Variants in MIER3 observed in about 807,000 individuals in gnomAD.
MIER3 encodes the protein MIER family member 3.
A neutral mutation model predicts 63.2 loss-of-function variants in MIER3; 9 were observed. That is an observed-to-expected ratio of 0.14 (90% confidence interval 0.09 to 0.25). The LOEUF is 0.25. MIER3 is among the 10% of genes least tolerant of loss of function. The pLI is 1.00. For missense variants in MIER3, 512 were observed against 666.2 expected (o/e 0.77, Z 2.55); for synonymous variants, 205 against 224.9 (o/e 0.91, Z 0.79).
intron 4 of MIER3, chr5:56,938,341 G>C: frequency 2.1e-6 from 1 of 471,146 alleles, no homozygotes; most frequent in Non-Finnish European, 4.4e-6. Flanking sequence ...CCTGAGATCT[G>C]AAAGGCAAGG....
chr5:56,950,708 G>C, intron 1 of MIER3, 56 bp from the exon 2 acceptor site: 2 of 1,603,032 alleles, frequency 1.2e-6, no homozygotes, highest in Non-Finnish European at 1.7e-6. Flanking sequence ...GAAAGAGGCA[G>C]CGCCGGCAAC....
At chr5:56,952,159 TG>T, upstream of MIER3, 1 of 1,174,252 alleles carries the variant, frequency 8.5e-7, no homozygotes, top group Non-Finnish European at 1.1e-6. Flanking sequence ...ATGGGGCGCC[TG>T]AGCCAATCGC....
intron 10 of MIER3, chr5:56,927,902 A>C (rs1486160354): frequency 3.3e-5 from 5 of 152,186 alleles, no homozygotes; most frequent in African/African-American, 9.7e-5. Flanking sequence ...CCCTGGCACC[A>C]GTGATCTTTT....
chr5:56,921,369 A>G lies in MIER3; in HGVS notation c.*1759T>C, dbSNP rs3756586. ...TTGGATAAAAATACAAGAAAGTAACACAGAGCCCAGGCTACCCATTATTTA... is the reference window on the plus strand; with the variant it reads ...TTGGATAAAAATACAAGAAAGTAACGCAGAGCCCAGGCTACCCATTATTTA... On this transcript the variant is annotated 3_prime_UTR_variant, in exon 13 of 13. Coordinates refer to ENST00000381199, the MANE Select transcript of MIER3 (RefSeq NM_001297599.2). 13,926 of 152,454 alleles carry G rather than the reference A, an allele frequency of 0.091. 658 individuals carry two copies. The highest frequency in any genetic ancestry group is 0.14 in the East Asian group (737 of 5,188). The allele number at this position is 152,454 out of a possible 1,614,324, so 9.4% of individuals were successfully genotyped here.
chr5:56,941,844 C>T (rs1750656590), intron 3 of MIER3, among the ~76,000 whole-genome samples: 1 of 151,966 alleles, frequency 6.6e-6, no homozygotes, highest in South Asian at 2.1e-4. Context: ...GGTACTGATA[C>T]ACAAGAGGAG....
At chr5:56,950,698 G>GA (rs776807550) in intron 1 of MIER3, 46 bp from the exon 2 acceptor site, 1 of 1,608,742 alleles carries the variant, frequency 6.2e-7, no homozygotes, top group African/African-American at 1.3e-5. Context: ...CACAGCCAGG[G>GA]AAAGAGGCAG....
upstream of MIER3, chr5:56,952,176 C>T: frequency 1.8e-6 from 2 of 1,126,662 alleles, no homozygotes; most frequent in Non-Finnish European, 2.2e-6. Flanking sequence ...ATCGCAGCCG[C>T]CGCCGCCACC....
chr5:56,935,644 C>T (rs1198004696), intron 6 of MIER3, 22 bp downstream of exon 6: 1 of 1,590,892 alleles, frequency 6.3e-7, no homozygotes, highest in Non-Finnish European at 8.6e-7. Flanking sequence ...CCAATTTAGT[C>T]CACTATATTA....
At chr5:56,952,046 C>T in intron 1 of MIER3, 48 bp downstream of exon 1, 1 of 1,265,404 alleles carries the variant, frequency 7.9e-7, no homozygotes, top group Non-Finnish European at 1.0e-6. Flanking sequence ...GGGGAGCCGC[C>T]GGGCGCCCGC....
intron 1 of MIER3, among the ~76,000 whole-genome samples, chr5:56,951,336 G>A (rs1229937917): frequency 6.6e-6 from 1 of 151,266 alleles, no homozygotes; most frequent in Non-Finnish European, 1.5e-5. Flanking sequence ...CTGCCACACC[G>A]CCCCCTCCCC....
Position 56,928,839 on chromosome 5 carries a change from T to C in MIER3, c.852A>G (p.Glu284=). Residue 284 remains glutamate, a synonymous_variant, in exon 10 of 13, where the codon GAA becomes GAG. Transcript: ENST00000381199. The stretch of plus-strand genomic sequence containing the variant: ...CATGTTCAAAGCTTCGGCATTCTTC[T>C]TCCGTCCATGCAGTCATTCCTTCTA... ...ASQEGMTAWT[E]EECRSFEHAL... The C allele has an allele frequency of 6.2e-7, 1 of 1,613,796 alleles. No individual in the cohort carries two copies. Among genetic ancestry groups the C allele is most frequent in the Non-Finnish European group, 8.5e-7 (1 of 1,179,838 alleles).
chr5:56,945,636 T>C (rs1486602912), intron 3 of MIER3, among the ~76,000 whole-genome samples: 4 of 152,220 alleles, frequency 2.6e-5, no homozygotes, highest in Admixed American at 6.5e-5. Flanking sequence ...AAAATTGCTT[T>C]AGTACTTACC....
intron 8 of MIER3, among the ~76,000 whole-genome samples, chr5:56,931,943 TAA>T (rs1561236540): frequency 6.6e-6 from 1 of 152,160 alleles, no homozygotes; most frequent in Non-Finnish European, 1.5e-5. Context: ...TTCAACAGTT[TAA>T]GATACATTTT....
intron 2 of MIER3, among the ~76,000 whole-genome samples, chr5:56,949,724 G>A (rs894954251): frequency 1.3e-5 from 2 of 152,124 alleles, no homozygotes; most frequent in Admixed American, 1.3e-4. Context: ...GAAGATTTAG[G>A]AGCTCATCTG....
chr5:56,931,788 A>G (rs956938690), intron 8 of MIER3, among the ~76,000 whole-genome samples: 1 of 152,192 alleles, frequency 6.6e-6, no homozygotes, highest in Non-Finnish European at 1.5e-5. Context: ...AGGAAGGAAC[A>G]AAAGTGTAAT....
chr5:56,947,760 G>C (rs930691584), intron 2 of MIER3, among the ~76,000 whole-genome samples: 1 of 152,112 alleles, frequency 6.6e-6, no homozygotes, highest in African/African-American at 2.4e-5. Context: ...AGGGAATACA[G>C]AAAATCACAT....
chr5:56,950,045 G>T (rs1750964001), intron 2 of MIER3, among the ~76,000 whole-genome samples: 1 of 152,162 alleles, frequency 6.6e-6, no homozygotes, highest in African/African-American at 2.4e-5. Context: ...GGAAAGTTAA[G>T]AAACACTGTA....
intron 1 of MIER3, 100 bp from the exon 2 acceptor site, chr5:56,950,752 C>G (rs544314879): frequency 7.4e-7 from 1 of 1,356,372 alleles, no homozygotes; most frequent in South Asian, 1.2e-5. Context: ...AGCGCTCCTC[C>G]GCAGCTGCCA....
chr5:56,952,111 C>G lies in MIER3; in HGVS notation c.-9G>C. The G allele has an allele frequency of 7.7e-7, 1 of 1,292,276 alleles. No homozygotes were observed. Among genetic ancestry groups the G allele is most frequent in the Non-Finnish European group, 1.0e-6 (1 of 1,002,434 alleles). The allele number at this position is 1,292,276 out of a possible 1,614,324, so 80.1% of individuals were successfully genotyped here. A position where few individuals can be genotyped will look rare whatever the true frequency, so the allele number is the denominator to read the frequency against. ...CTGCTCACCTCCGCCATATTGGTACCTTTAGGGCGAACGAGCAGCGCCGAG... is the reference window on the plus strand; with the variant it reads ...CTGCTCACCTCCGCCATATTGGTACGTTTAGGGCGAACGAGCAGCGCCGAG... On this transcript the variant is annotated 5_prime_UTR_variant, in exon 1 of 13. Transcript: ENST00000381199.
Sources: allele counts gnomAD v4.1 joint callset (sites outside exome capture counted in the v4.1 genomes callset), GRCh38; gene constraint gnomAD v4.1.1; transcripts MANE v1.5; gene names NCBI Gene and HGNC (gene_info 2026-07-23, HGNC 2026-07-21).